Variants in SHISAL2B observed in about 807,000 individuals in gnomAD.
SHISAL2B encodes protein shisa-like-2B.
Under a neutral mutation model 16.5 loss-of-function variants are expected in SHISAL2B, and 12 were observed. The observed-to-expected ratio is 0.73, with a 90% CI of 0.47 to 1.18. SHISAL2B has a LOEUF of 1.18. SHISAL2B is among the 50% of genes most tolerant of loss of function. The pLI, the probability that SHISAL2B is intolerant of heterozygous loss-of-function variation, is 0.00. For synonymous variants in SHISAL2B, 72 were observed against 75.0 expected (o/e 0.96, Z 0.21); for missense variants, 183 against 193.6 (o/e 0.95, Z 0.33).
intron 2 of SHISAL2B, among the ~76,000 whole-genome samples, chr5:64,699,274 G>A (rs1043659026): frequency 6.6e-6 from 1 of 152,162 alleles, no homozygotes; most frequent in Admixed American, 6.5e-5. Context: ...GGTGATTTTG[G>A]TCTCTTGCAT....
In SHISAL2B at chr5:64,712,344, C is replaced by T. The variant is rs997789499; in HGVS notation, c.350-5545C>T. Reference sequence around the variant, plus strand: ...GTTGTTCAGTTTCCATGTAGTTGAGCGGCTTTGAGTGAGATTATTAATCCT... The same window carrying T: ...GTTGTTCAGTTTCCATGTAGTTGAGTGGCTTTGAGTGAGATTATTAATCCT... On this transcript the variant is annotated intron_variant, in intron 2 of 2. Transcript: ENST00000389074. 4.9e-3 allele frequency among the ~76,000 whole-genome samples: 743 copies of T among 152,140 alleles called. 5 individuals are homozygous for T. Among genetic ancestry groups the T allele is most frequent in the Middle Eastern group, 0.02 (6 of 294 alleles).
intron 2 of SHISAL2B, among the ~76,000 whole-genome samples, chr5:64,704,680 T>C (rs1049945897): frequency 6.6e-6 from 1 of 152,170 alleles, no homozygotes; most frequent in East Asian, 1.9e-4. Context: ...TTTATTTAAA[T>C]TGAATCCATG....
chr5:64,691,360 T>C (rs1741647843), intron 1 of SHISAL2B: 1 of 127,920 alleles, frequency 7.8e-6, no homozygotes, highest in Non-Finnish European at 1.7e-5. Flanking sequence ...TTAAAATACA[T>C]GTATATTTTT....
chr5:64,717,419 T>C (rs1287361310), intron 2 of SHISAL2B, among the ~76,000 whole-genome samples: 1 of 152,220 alleles, frequency 6.6e-6, no homozygotes, highest in East Asian at 1.9e-4. Context: ...TTTGCTCATT[T>C]TGGACTCATA....
intron 2 of SHISAL2B, among the ~76,000 whole-genome samples, chr5:64,699,391 G>A (rs896506687): frequency 2.0e-5 from 3 of 152,194 alleles, no homozygotes; most frequent in Non-Finnish European, 4.4e-5. Context: ...AGCCTTTGAT[G>A]TGATATTTAA....
At chr5:64,712,357 G>A (rs1741971442) in intron 2 of SHISAL2B, among the ~76,000 whole-genome samples, 1 of 152,160 alleles carries the variant, frequency 6.6e-6, no homozygotes, top group South Asian at 2.1e-4. Context: ...CTTTGAGTGA[G>A]ATTATTAATC....
chr5:64,717,250 G>C (rs976712236), intron 2 of SHISAL2B, among the ~76,000 whole-genome samples: 6 of 152,130 alleles, frequency 3.9e-5, no homozygotes, highest in Non-Finnish European at 8.8e-5. Context: ...TTCTTCCACT[G>C]TTCTTTACGT....
intron 1 of SHISAL2B, 78 bp downstream of exon 1, chr5:64,690,892 C>G (rs1741637952): frequency 7.8e-7 from 1 of 1,282,156 alleles, no homozygotes; most frequent in Admixed American, 2.9e-5. Context: ...ACGCCAGGGC[C>G]AGGGAGGTTC....
chr5:64,700,443 C>T (rs555809896), intron 2 of SHISAL2B, among the ~76,000 whole-genome samples: 1 of 152,296 alleles, frequency 6.6e-6, no homozygotes, highest in African/African-American at 2.4e-5. Context: ...CAGAGTCTCG[C>T]TCTGTTGCCC....
At chr5:64,700,303 G>A (rs1741790263) in intron 2 of SHISAL2B, among the ~76,000 whole-genome samples, 1 of 152,204 alleles carries the variant, frequency 6.6e-6, no homozygotes, top group Non-Finnish European at 1.5e-5. Flanking sequence ...TATTCATTGA[G>A]ATTGGTTCGA....
chr5:64,715,850 T>G (rs1232977711), intron 2 of SHISAL2B, among the ~76,000 whole-genome samples: 2 of 152,236 alleles, frequency 1.3e-5, no homozygotes, highest in African/African-American at 4.8e-5. Context: ...TATTTAGCAA[T>G]TCTATCATTG....
chr5:64,697,408 T>C (rs1303313790), intron 2 of SHISAL2B, among the ~76,000 whole-genome samples: 1 of 152,234 alleles, frequency 6.6e-6, no homozygotes, highest in Non-Finnish European at 1.5e-5. Context: ...GTGTGTAGTG[T>C]GACTATAAAG....
chr5:64,691,637 T>C (rs1226568511), intron 1 of SHISAL2B: 1 of 152,228 alleles, frequency 6.6e-6, no homozygotes, highest in African/African-American at 2.4e-5. Flanking sequence ...CTTTTTCCCA[T>C]AGTGGCAATT....
chr5:64,712,699 C>T (rs1258052345), intron 2 of SHISAL2B, among the ~76,000 whole-genome samples: 2 of 152,038 alleles, frequency 1.3e-5, no homozygotes, highest in Non-Finnish European at 1.5e-5. Context: ...TCACTCAGGA[C>T]TTGCTTTATG....
intron 2 of SHISAL2B, among the ~76,000 whole-genome samples, chr5:64,703,919 T>C (rs894600003): frequency 7.9e-5 from 12 of 152,258 alleles, no homozygotes; most frequent in Middle Eastern, 3.4e-3. Flanking sequence ...CACTTCACCG[T>C]TTAGCTCACA....
At chr5:64,715,145 CTGAT>C (rs1198763465) in intron 2 of SHISAL2B, among the ~76,000 whole-genome samples, 1 of 151,994 alleles carries the variant, frequency 6.6e-6, no homozygotes, top group Non-Finnish European at 1.5e-5. Context: ...GAGGGATGTC[CTGAT>C]TGATACTAGA....
intron 2 of SHISAL2B, among the ~76,000 whole-genome samples, chr5:64,708,055 A>G (rs554188373): frequency 6.6e-6 from 1 of 152,122 alleles, no homozygotes; most frequent in Non-Finnish European, 1.5e-5. Flanking sequence ...TTTACTAGCA[A>G]TTTTTTACTT....
At position 64,718,007 on chromosome 5, in the gene SHISAL2B, C is replaced by A; in HGVS notation, c.468C>A (p.Ile156=). The A allele has an allele frequency of 6.6e-7, 1 of 1,507,798 alleles. No individual in the cohort carries two copies. Among genetic ancestry groups the A allele is most frequent in the Non-Finnish European group, 8.8e-7 (1 of 1,140,040 alleles). The allele number at this position is 1,507,798 out of a possible 1,614,324, so 93.4% of individuals were successfully genotyped here. Residue 156 remains isoleucine, a synonymous_variant, in exon 3 of 3, where the codon ATC becomes ATA. Transcript: ENST00000389074. ...IQEKTMDATQ[I]HIAY ...AAAAAACAATGGATGCAACACAAAT[C>A]CACATTGCTTATTAACTAAAAATTC...
At chr5:64,704,296 G>C (rs779044818) in intron 2 of SHISAL2B, among the ~76,000 whole-genome samples, 1 of 152,214 alleles carries the variant, frequency 6.6e-6, no homozygotes, top group Non-Finnish European at 1.5e-5. Flanking sequence ...ATAAGTCCCC[G>C]AGGAAAGGGT....
Sources: gnomAD v4.1 joint callset for allele counts (sites outside exome capture counted in the v4.1 genomes callset) on GRCh38, gnomAD v4.1.1 for gene constraint, MANE v1.5 for transcripts, NCBI Gene and HGNC (gene_info 2026-07-23, HGNC 2026-07-21) for gene names.